MSL2: variants seen among roughly 807,000 people sequenced by gnomAD.
MSL2 encodes E3 ubiquitin-protein ligase MSL2.
Under a neutral mutation model 35.8 loss-of-function variants are expected in MSL2, and 2 were observed. The observed-to-expected ratio is 0.06, with a 90% CI of 0.02 to 0.18. MSL2 has a LOEUF of 0.18. Among genes scored for constraint, MSL2 ranks in the 10% least tolerant of loss-of-function variants. The probability of loss-of-function intolerance (pLI) is 1.00; values close to 1 mark genes in which losing one functional copy is unlikely to be tolerated. For missense variants in MSL2, 523 were observed against 706.7 expected (o/e 0.74, Z 2.95); for synonymous variants, 296 against 255.7 (o/e 1.16, Z -1.50).
chr3:136,157,774 C>G (rs1253696621), intron 1 of MSL2, among the ~76,000 whole-genome samples: 1 of 152,132 alleles, frequency 6.6e-6, no homozygotes, highest in Non-Finnish European at 1.5e-5. Flanking sequence ...TCTCTAAAGA[C>G]ACAAATGACC....
chr3:136,195,729 A>T lies in MSL2; in HGVS notation c.-616T>A, dbSNP rs1057026678. 1.0e-6 allele frequency: 1 copy of T among 984,290 alleles called. No individual in the cohort carries two copies. Among genetic ancestry groups the T allele is most frequent in the African/African-American group, 1.8e-5 (1 of 56,802 alleles). 61.0% of individuals were successfully genotyped at this position (984,290 alleles called of 1,614,324 possible). A position where few individuals can be genotyped will look rare whatever the true frequency, so the allele number is the denominator to read the frequency against. On this transcript the variant is annotated 5_prime_UTR_variant, in exon 1 of 2. Coordinates refer to ENST00000309993, the MANE Select transcript of MSL2 (RefSeq NM_018133.4). ...GCCGCCGCCGCGCTCTCCATATCGG[A>T]CGCGGGGCCCAGACTGCGCCCTGGC...
intron 1 of MSL2, among the ~76,000 whole-genome samples, chr3:136,183,492 G>A (rs1250130866): frequency 6.6e-6 from 1 of 152,002 alleles, no homozygotes; most frequent in East Asian, 1.9e-4. Context: ...GCACGACCTC[G>A]ATCACTGCAA....
chr3:136,149,339 G>C lies in MSL2; in HGVS notation c.*1808C>G, dbSNP rs959987597. The C allele has an allele frequency of 6.6e-6, 1 of 152,332 alleles. No individual in the cohort carries two copies. The highest frequency in any genetic ancestry group is 6.6e-5 in the Admixed American group (1 of 15,230). The allele number at this position is 152,332 out of a possible 1,614,324, so 9.4% of individuals were successfully genotyped here. On this transcript the variant is annotated 3_prime_UTR_variant, in exon 2 of 2. Transcript: ENST00000309993. ...GGGCATCTGGGTTCAACACAAAACT[G>C]TTACAAACGTTAGGTAAATACACGT...
chr3:136,187,073 T>C (rs530696084), intron 1 of MSL2, among the ~76,000 whole-genome samples: 2 of 152,288 alleles, frequency 1.3e-5, no homozygotes, highest in South Asian at 4.1e-4. Flanking sequence ...AATCCACAAA[T>C]GCAGAACCCA....
intron 1 of MSL2, among the ~76,000 whole-genome samples, chr3:136,163,288 G>A (rs1330214700): frequency 2.0e-5 from 3 of 152,054 alleles, no homozygotes; most frequent in Non-Finnish European, 4.4e-5. Context: ...TATAAATCCT[G>A]TAGCCCTAAA....
At chr3:136,186,783 T>A (rs1486149449) in intron 1 of MSL2, among the ~76,000 whole-genome samples, 2 of 152,114 alleles carry the variant, frequency 1.3e-5, no homozygotes, top group African/African-American at 4.8e-5. Context: ...ATAATAGAAA[T>A]AAAGTGCACA....
intron 1 of MSL2, among the ~76,000 whole-genome samples, chr3:136,190,520 G>A (rs1017427151): frequency 2.6e-5 from 4 of 151,466 alleles, no homozygotes; most frequent in African/African-American, 9.7e-5. Flanking sequence ...ACTCCAGCCT[G>A]GGTGACAAAA....
chr3:136,160,712 TA>T (rs879632465), intron 1 of MSL2, among the ~76,000 whole-genome samples: 197 of 131,248 alleles, frequency 1.5e-3, no homozygotes, highest in Admixed American at 2.3e-3. Context: ...CCATCTCAAT[TA>T]AAAAAAAAAA....
intron 1 of MSL2, among the ~76,000 whole-genome samples, chr3:136,156,267 A>G (rs1206954258): frequency 6.6e-6 from 1 of 152,292 alleles, no homozygotes; most frequent in Admixed American, 6.5e-5. Flanking sequence ...CTCTAAAAGG[A>G]AAAAAAGCCT....
At chr3:136,193,035 G>T (rs897061475) in intron 1 of MSL2, among the ~76,000 whole-genome samples, 4 of 152,092 alleles carry the variant, frequency 2.6e-5, no homozygotes. Flanking sequence ...CAGAACTCAC[G>T]ATCTTTTCCA....
intron 1 of MSL2, among the ~76,000 whole-genome samples, chr3:136,169,353 G>A (rs1014267462): frequency 2.0e-5 from 3 of 150,702 alleles, no homozygotes; most frequent in Non-Finnish European, 4.4e-5. Flanking sequence ...AATCAAATGA[G>A]GCTAACTGGA....
At position 136,151,732 on chromosome 3, in the gene MSL2, T is replaced by C. The variant is rs770465169; in HGVS notation, c.1149A>G (p.Gln383=). 7 of 1,614,034 alleles carry C rather than the reference T, an allele frequency of 4.3e-6. No homozygotes were observed. In the African/African-American group the frequency reaches 5.3e-5, roughly 12 times the overall value. ...CTCCATTGGGAACAGTTGCTATAGG[T>C]TGAAGAGAAATTTTGCTCTCCCGTT... ...TVKRESKISL[Q]PIATVPNGGT... Residue 383 remains glutamine (Q), a synonymous_variant, in exon 2 of 2, where the codon CAA becomes CAG. Coordinates refer to ENST00000309993, the MANE Select transcript of MSL2 (RefSeq NM_018133.4). The surrounding 1 kb of genome is among the most constrained non-coding windows in gnomAD (Gnocchi z 5.2).
chr3:136,178,030 C>T (rs866768956), intron 1 of MSL2, among the ~76,000 whole-genome samples: 1 of 151,974 alleles, frequency 6.6e-6, no homozygotes, highest in Non-Finnish European at 1.5e-5. Context: ...CAGTCAACTA[C>T]CATTAAACAA....
intron 1 of MSL2, among the ~76,000 whole-genome samples, chr3:136,193,748 A>G (rs538527635): frequency 2.8e-4 from 42 of 152,314 alleles, no homozygotes; most frequent in African/African-American, 9.6e-4. Context: ...CAGGGCAGTT[A>G]GGTGATTTGC....
intron 1 of MSL2, among the ~76,000 whole-genome samples, chr3:136,168,294 T>C (rs966435514): frequency 9.2e-5 from 14 of 151,962 alleles, no homozygotes; most frequent in Non-Finnish European, 2.9e-5. Context: ...TAAAATGGGA[T>C]AACAACAGTC....
At chr3:136,188,744 A>G (rs1205819742) in intron 1 of MSL2, among the ~76,000 whole-genome samples, 1 of 150,892 alleles carries the variant, frequency 6.6e-6, no homozygotes, top group Non-Finnish European at 1.5e-5. Context: ...AAAAAAAAAA[A>G]AAGTATCCAC....
At chr3:136,157,814 TG>T (rs879395021) in intron 1 of MSL2, among the ~76,000 whole-genome samples, 29 of 152,300 alleles carry the variant, frequency 1.9e-4, no homozygotes, top group Non-Finnish European at 3.7e-4. Context: ...GTTTTAAAAC[TG>T]AATAGACCTG....
intron 1 of MSL2, among the ~76,000 whole-genome samples, chr3:136,177,920 A>C (rs1940227916): frequency 1.3e-5 from 2 of 152,216 alleles, no homozygotes. Flanking sequence ...GTTCACTGAA[A>C]ACCTGAACAG....
intron 1 of MSL2, among the ~76,000 whole-genome samples, chr3:136,184,933 A>T (rs1445996874): frequency 6.6e-6 from 1 of 152,238 alleles, no homozygotes; most frequent in South Asian, 2.1e-4. Context: ...GTGCCTAAAA[A>T]TTTGGATTTT....
Sources: allele counts gnomAD v4.1 joint callset (sites outside exome capture counted in the v4.1 genomes callset), GRCh38; gene constraint gnomAD v4.1.1; non-coding constraint Gnocchi (gnomAD v3.1); transcripts MANE v1.5; gene names NCBI Gene and HGNC (gene_info 2026-07-23, HGNC 2026-07-21).